PSMC1: variants seen among roughly 807,000 people sequenced by gnomAD.
PSMC1 encodes the protein 26S proteasome regulatory subunit 4.
PSMC1 carries 5 observed loss-of-function variants against 49.8 expected under a neutral mutation model. The ratio of observed to expected loss-of-function variants is 0.10; its 90% CI spans 0.05 to 0.21. PSMC1 has a LOEUF of 0.21. PSMC1 is among the 10% of genes least tolerant of loss of function. The pLI is 1.00. For missense variants in PSMC1, 181 were observed against 535.7 expected (o/e 0.34, Z 6.54); for synonymous variants, 155 against 192.1 (o/e 0.81, Z 1.60).
Position 90,256,608 on chromosome 14 carries a change from A to G in PSMC1, c.3+8A>G, listed in dbSNP as rs1455827423. 1.3e-6 allele frequency: 2 copies of G among 1,589,996 alleles called. No individual in the cohort carries two copies. The highest frequency in any genetic ancestry group is 1.3e-5 in the African/African-American group (1 of 74,758). ...AGTGGCCAAGGCAAGATGGTGAGTG[A>G]CTAAGGGTTTCTTTCCGCTGGTCGT... On this transcript the variant is annotated splice_region_variant and intron_variant, in intron 1 of 10. Transcript: ENST00000261303.
chr14:90,269,822 G>T, intron 9 of PSMC1: 2 of 401,914 alleles, frequency 5.0e-6, no homozygotes, highest in Admixed American at 4.1e-5. Context: ...TGCTTTTTCT[G>T]GAAGAAATAA....
intron 3 of PSMC1, 47 bp from the exon 4 acceptor site, chr14:90,263,271 C>G (rs1019591825): frequency 6.5e-7 from 1 of 1,541,216 alleles, no homozygotes; most frequent in Non-Finnish European, 8.7e-7. Flanking sequence ...TCCTTACTTG[C>G]AAACTTCAGG....
chr14:90,269,568 C>T lies in PSMC1; in HGVS notation c.1033+20C>T, dbSNP rs1363771827. ...GACCAGGTTAAATTTGCTTTGGTTT[C>T]ATCATGGAGATTAATGTGTTTATAT... On this transcript the variant is annotated intron_variant, in intron 9 of 10. Transcript: ENST00000261303. 6.2e-7 allele frequency: 1 copy of T among 1,610,294 alleles called. No homozygotes were observed. The highest frequency in any genetic ancestry group is 1.1e-5 in the South Asian group (1 of 90,522).
intron 9 of PSMC1, 195 bp downstream of exon 9, chr14:90,269,743 T>A: frequency 2.0e-6 from 1 of 497,286 alleles, no homozygotes; most frequent in Non-Finnish European, 3.4e-6. Context: ...ACCTTGGCCC[T>A]TTGAATTCCA....
chr14:90,266,445 G>A (rs1418849425), intron 7 of PSMC1, among the ~76,000 whole-genome samples: 1 of 152,184 alleles, frequency 6.6e-6, no homozygotes, highest in East Asian at 1.9e-4. Context: ...TGTACCCAGA[G>A]GCCGAGAGCT....
chr14:90,270,748 G>C (rs1243027428), intron 10 of PSMC1: 1 of 161,964 alleles, frequency 6.2e-6, no homozygotes, highest in Admixed American at 6.4e-5. Flanking sequence ...CTGTGTTCTG[G>C]AAGGTTGTAC....
rs150385865 is a variant in PSMC1, at chr14:90,263,757, A to C, written c.375A>C (p.Thr125=). The C allele has an allele frequency of 2.7e-5, 44 of 1,613,014 alleles. No individual in the cohort carries two copies. The highest frequency in any genetic ancestry group is 3.5e-5 in the Non-Finnish European group (41 of 1,179,064). The change falls in exon 5 of 11, where the codon ACA becomes ACC. Residue 125 remains threonine, a synonymous_variant. Coordinates refer to ENST00000261303, the MANE Select transcript of PSMC1 (RefSeq NM_002802.3). ...ATGACAATCATGCCATCGTGTCTAC[A>C]TCTGTGGGCTCAGAACACTACGTCA... The part of the protein sequence containing the change: ...IIDDNHAIVS[T]SVGSEHYVSI...
Position 90,272,036 on chromosome 14 carries a change from G to T in PSMC1, c.1189-237G>T. On this transcript the variant is annotated intron_variant, in intron 10 of 10. Coordinates refer to ENST00000261303, the MANE Select transcript of PSMC1 (RefSeq NM_002802.3). This position sits in a 1 kb window ranked among gnomAD's most constrained non-coding sequence, Gnocchi z 4.5. ...GCCTCCCGAGTAGCTAGGATTACAGGTGCCTGCCACCGTCCCTGGCTAACT... is the reference window on the plus strand; with the variant it reads ...GCCTCCCGAGTAGCTAGGATTACAGTTGCCTGCCACCGTCCCTGGCTAACT... 1 of 330,392 alleles carries T rather than the reference G, an allele frequency of 3.0e-6. No individual in the cohort carries two copies. The highest frequency in any genetic ancestry group is 5.8e-6 in the Non-Finnish European group (1 of 172,362). The allele number at this position is 330,392 out of a possible 1,614,324, so 20.5% of individuals were successfully genotyped here.
chr14:90,263,299 CTTTATAT>C lies in PSMC1; in HGVS notation c.155-16_155-10del, dbSNP rs1566672568. On this transcript the variant is annotated splice_polypyrimidine_tract_variant and intron_variant, in intron 3 of 10. Transcript: ENST00000261303. ...ACTTCAGGGTCCACATATAATGAAA[CTTTATAT>C]TTAAATTTCAGTGACACCTCACACT... The C allele has an allele frequency of 2.5e-6, 4 of 1,581,126 alleles. No homozygotes were observed. Among genetic ancestry groups the C allele is most frequent in the Non-Finnish European group, 3.4e-6 (4 of 1,169,546 alleles).
At chr14:90,264,793 C>T (rs1891472210) in intron 6 of PSMC1, among the ~76,000 whole-genome samples, 1 of 152,170 alleles carries the variant, frequency 6.6e-6, no homozygotes, top group African/African-American at 2.4e-5. Flanking sequence ...TTTATTAAGT[C>T]TCTCTTGCTC....
rs748693751 is a variant in PSMC1, at chr14:90,272,258, TC to T, written c.1189-14del. 2 of 1,601,318 alleles carry T rather than the reference TC, an allele frequency of 1.2e-6. No individual in the cohort carries two copies. The highest frequency in any genetic ancestry group is 1.7e-6 in the Non-Finnish European group (2 of 1,177,534). On this transcript the variant is annotated splice_polypyrimidine_tract_variant and intron_variant, in intron 10 of 10. Coordinates refer to ENST00000261303, the MANE Select transcript of PSMC1 (RefSeq NM_002802.3). The surrounding 1 kb of genome is among the most constrained non-coding windows in gnomAD (Gnocchi z 4.5). Reference sequence around the variant, plus strand: ...TGAGTATGTCACTTTCTGAACACACTCTTCTTTCTTACAGGCAATCTGTACA... The same window carrying T: ...TGAGTATGTCACTTTCTGAACACACTTTCTTTCTTACAGGCAATCTGTACA...
rs1555358537 is a variant in PSMC1, at chr14:90,274,832, A to ACACAC, written c.*2426_*2430dup. On this transcript the variant is annotated 3_prime_UTR_variant, in exon 11 of 11. Transcript: ENST00000261303. ...CACACACACACACACACACACACAC[A>ACACAC]CACACACCCCAATACATATGAATTG... The ACACAC allele has an allele frequency of 6.2e-5, 4 of 64,610 alleles. No homozygotes were observed. Among genetic ancestry groups the ACACAC allele is most frequent in the Non-Finnish European group, 1.3e-4 (4 of 30,176 alleles). The allele number at this position is 64,610 out of a possible 1,614,324, so 4.0% of individuals were successfully genotyped here. A position where few individuals can be genotyped will look rare whatever the true frequency, so the allele number is the denominator to read the frequency against.
rs1212762735 is a variant in PSMC1, at chr14:90,268,368, C to T, written c.836C>T (p.Pro279Leu). ...TTCCGAGTTGCTGAAGAACATGCACCGTCCATCGTGTTTATTGATGAAATT... is the reference window on the plus strand; with the variant it reads ...TTCCGAGTTGCTGAAGAACATGCACTGTCCATCGTGTTTATTGATGAAATT... ...ELFRVAEEHA[P>L]SIVFIDEIDA... is the part of the protein sequence containing the mutation. The change falls in exon 8 of 11, where the codon CCG (proline) becomes CTG (leucine). Residue 279 changes from proline to leucine, a missense_variant. Physicochemically the swap from Pro to Leu is moderately conservative, Grantham distance 98. Transcript: ENST00000261303. 6 of 1,613,270 alleles carry T rather than the reference C, an allele frequency of 3.7e-6. No individual in the cohort carries two copies. The highest frequency in any genetic ancestry group is 4.2e-6 in the Non-Finnish European group (5 of 1,179,728).
chr14:90,272,185 C>T lies in PSMC1; in HGVS notation c.1189-88C>T, dbSNP rs186784617. 1.1e-3 allele frequency: 1,632 copies of T among 1,480,454 alleles called. 2 individuals carry two copies. Among genetic ancestry groups the T allele is most frequent in the Admixed American group, 2.1e-3 (100 of 47,202 alleles). The allele number at this position is 1,480,454 out of a possible 1,614,324, so 91.7% of individuals were successfully genotyped here. A position where few individuals can be genotyped will look rare whatever the true frequency, so the allele number is the denominator to read the frequency against. ...CTGGGATTACAGGTGTGAGCCACCGCGCCTGGCCTCAGAATAGGTTTTTTG... is the reference window on the plus strand; with the variant it reads ...CTGGGATTACAGGTGTGAGCCACCGTGCCTGGCCTCAGAATAGGTTTTTTG... On this transcript the variant is annotated intron_variant, in intron 10 of 10. Coordinates refer to ENST00000261303, the MANE Select transcript of PSMC1 (RefSeq NM_002802.3). This position sits in a 1 kb window ranked among gnomAD's most constrained non-coding sequence, Gnocchi z 4.5.
chr14:90,264,217 TGTC>T (rs1566673000), intron 6 of PSMC1, 48 bp downstream of exon 6: 1 of 1,606,694 alleles, frequency 6.2e-7, no homozygotes, highest in Non-Finnish European at 8.5e-7. Context: ...TGGTTTCTGT[TGTC>T]CCATTTAGGA....
chr14:90,258,142 GA>G (rs1891331433), intron 1 of PSMC1, among the ~76,000 whole-genome samples: 1 of 152,112 alleles, frequency 6.6e-6, no homozygotes, highest in African/African-American at 2.4e-5. Flanking sequence ...CTCCATCTCT[GA>G]CAAGCTTTGT....
chr14:90,274,024 T>G lies in PSMC1; in HGVS notation c.*1617T>G, dbSNP rs781768186. The stretch of plus-strand genomic sequence containing the variant: ...GCAAAGTTCCTTTTGCCATGTAACA[T>G]TCACACGTTCCAGGGCTTAGGGTGT... On this transcript the variant is annotated 3_prime_UTR_variant, in exon 11 of 11. Transcript: ENST00000261303. 5 of 154,908 alleles carry G rather than the reference T, an allele frequency of 3.2e-5. No homozygotes were observed. The highest frequency in any genetic ancestry group is 6.5e-5 in the Admixed American group (1 of 15,298). The allele number at this position is 154,908 out of a possible 1,614,324, so 9.6% of individuals were successfully genotyped here. A position where few individuals can be genotyped will look rare whatever the true frequency, so the allele number is the denominator to read the frequency against.
chr14:90,260,093 C>A, intron 2 of PSMC1, 22 bp from the exon 3 acceptor site: 1 of 1,295,012 alleles, frequency 7.7e-7, no homozygotes, highest in South Asian at 1.4e-5. Context: ...ATTTTTTTTT[C>A]CTGCTATTCT....
chr14:90,268,667 C>G (rs965836860), intron 8 of PSMC1: 7 of 388,050 alleles, frequency 1.8e-5, no homozygotes, highest in African/African-American at 1.4e-4. Flanking sequence ...ACCATCTGGA[C>G]TCTAGGGACA....
Sources: allele counts gnomAD v4.1 joint callset (sites outside exome capture counted in the v4.1 genomes callset), GRCh38; gene constraint gnomAD v4.1.1; non-coding constraint Gnocchi (gnomAD v3.1); transcripts MANE v1.5; gene names NCBI Gene and HGNC (gene_info 2026-07-23, HGNC 2026-07-21).